The following TMEM117 variants were observed in gnomAD, a reference collection of about 807,000 sequenced individuals.
TMEM117 encodes transmembrane protein 117.
In TMEM117, 27 loss-of-function variants were observed where a neutral mutation model predicts 52.4. The observed-to-expected ratio is 0.51, with a 90% CI of 0.38 to 0.71. TMEM117 has a LOEUF of 0.71. Ranked by LOEUF, TMEM117 falls within the 30% of genes least tolerant of loss-of-function variation. The pLI is 0.00. For missense variants in TMEM117, 556 were observed against 630.5 expected (o/e 0.88, Z 1.26); for synonymous variants, 215 against 206.3 (o/e 1.04, Z -0.36).
intron 4 of TMEM117, among the ~76,000 whole-genome samples, chr12:44,154,678 T>C (rs1183580487): frequency 2.6e-5 from 4 of 151,296 alleles, no homozygotes; most frequent in African/African-American, 9.7e-5. Flanking sequence ...AAGTTGCAGG[T>C]TTGAAAAAAA....
At chr12:44,175,172 A>G (rs1949101388) in intron 4 of TMEM117, among the ~76,000 whole-genome samples, 1 of 152,178 alleles carries the variant, frequency 6.6e-6, no homozygotes, top group Non-Finnish European at 1.5e-5. Flanking sequence ...TTTTGAGGAC[A>G]AAGAGTTGCT....
At chr12:44,145,396 T>C (rs1223154117) in intron 4 of TMEM117, among the ~76,000 whole-genome samples, 4 of 152,146 alleles carry the variant, frequency 2.6e-5, no homozygotes, top group African/African-American at 7.2e-5. Context: ...TGACCACCTA[T>C]GGTTCGACCT....
intron 4 of TMEM117, among the ~76,000 whole-genome samples, chr12:44,195,377 A>T (rs143358005): frequency 6.6e-6 from 1 of 152,154 alleles, no homozygotes; most frequent in African/African-American, 2.4e-5. Flanking sequence ...GCTGACTTCT[A>T]CTGCTTTTTA....
At chr12:44,052,687 T>C (rs1043986868) in intron 3 of TMEM117, among the ~76,000 whole-genome samples, 3 of 152,170 alleles carry the variant, frequency 2.0e-5, no homozygotes, top group Non-Finnish European at 4.4e-5. Context: ...CCCTGTCAAG[T>C]GTGGCCCACG....
At chr12:44,216,961 C>G (rs944067291) in intron 5 of TMEM117, among the ~76,000 whole-genome samples, 13 of 152,074 alleles carry the variant, frequency 8.5e-5, no homozygotes, top group Non-Finnish European at 1.8e-4. Context: ...AACTGGGAAG[C>G]AAATGTAGCA....
intron 2 of TMEM117, among the ~76,000 whole-genome samples, chr12:43,855,292 C>T (rs531445744): frequency 2.0e-5 from 3 of 149,874 alleles, no homozygotes; most frequent in Admixed American, 6.6e-5. Flanking sequence ...GATGGAGTTT[C>T]ACTCTTGTTG....
At chr12:43,976,418 C>T (rs185302196) in intron 3 of TMEM117, among the ~76,000 whole-genome samples, 15 of 152,136 alleles carry the variant, frequency 9.9e-5, no homozygotes, top group South Asian at 2.1e-4. Flanking sequence ...AAGCTGGCAA[C>T]GCTCACATTT....
chr12:43,880,540 G>A (rs1329841056), intron 2 of TMEM117, among the ~76,000 whole-genome samples: 13 of 152,114 alleles, frequency 8.5e-5, no homozygotes, highest in Non-Finnish European at 1.9e-4. Context: ...CTCCTCCTGG[G>A]CATACTGTTG....
At chr12:43,920,706 C>G (rs1430252067) in intron 2 of TMEM117, among the ~76,000 whole-genome samples, 2 of 152,020 alleles carry the variant, frequency 1.3e-5, no homozygotes, top group East Asian at 3.9e-4. Context: ...AGGTGCACCA[C>G]CACACCTGGC....
chr12:43,951,832 C>T (rs1252318099), intron 3 of TMEM117, among the ~76,000 whole-genome samples: 3 of 152,190 alleles, frequency 2.0e-5, no homozygotes, highest in South Asian at 2.1e-4. Flanking sequence ...GACCCCATGC[C>T]TCCTATCTGG....
chr12:44,033,160 C>CACTT (rs1277537153), intron 3 of TMEM117, among the ~76,000 whole-genome samples: 3 of 152,194 alleles, frequency 2.0e-5, no homozygotes, highest in Non-Finnish European at 1.5e-5. Flanking sequence ...CACTGCTACA[C>CACTT]ACTTACCAGT....
At chr12:44,151,867 ATATAT>A (rs1008904469) in intron 4 of TMEM117, among the ~76,000 whole-genome samples, 1 of 131,806 alleles carries the variant, frequency 7.6e-6, no homozygotes, top group African/African-American at 2.8e-5. Context: ...ATTATATTTA[ATATAT>A]TATATATTAT....
chr12:43,847,878 G>A (rs10880575), intron 2 of TMEM117, among the ~76,000 whole-genome samples: 47,616 of 151,956 alleles, frequency 0.31, 9,373 homozygotes, highest in East Asian at 0.67. Flanking sequence ...AGTGTTGGCC[G>A]GCTGAGAAAT....
chr12:44,174,769 A>G (rs1401219527), intron 4 of TMEM117, among the ~76,000 whole-genome samples: 1 of 152,216 alleles, frequency 6.6e-6, no homozygotes, highest in Non-Finnish European at 1.5e-5. Context: ...TTTGATGAAC[A>G]TTTCGTACAG....
chr12:44,141,538 T>C lies in TMEM117; in HGVS notation c.411-1987T>C, dbSNP rs530854310. On this transcript the variant is annotated intron_variant, in intron 3 of 7. Transcript: ENST00000266534. ...AATAAAAGAATGATACCTTCTCTTA[T>C]ACAAATGTATGCAATTACAGGGAAT... 9.1e-4 allele frequency among the ~76,000 whole-genome samples: 139 copies of C among 152,284 alleles called. 1 individual carries two copies. The highest frequency in any genetic ancestry group is 2.9e-3 in the African/African-American group (119 of 41,572).
intron 6 of TMEM117, among the ~76,000 whole-genome samples, chr12:44,373,850 C>T (rs1232006113): frequency 7.7e-6 from 1 of 129,134 alleles, no homozygotes; most frequent in East Asian, 2.7e-4. Flanking sequence ...GGTGCGATCT[C>T]GGCTCACTAC....
At chr12:43,877,670 T>C (rs955817793) in intron 2 of TMEM117, among the ~76,000 whole-genome samples, 2 of 151,478 alleles carry the variant, frequency 1.3e-5, no homozygotes, top group Admixed American at 6.6e-5. Context: ...TATAAACATA[T>C]ATGTAATATT....
At chr12:44,365,573 C>T (rs1951779012) in intron 6 of TMEM117, among the ~76,000 whole-genome samples, 1 of 151,988 alleles carries the variant, frequency 6.6e-6, no homozygotes, top group Non-Finnish European at 1.5e-5. Context: ...GCTCTGTGAG[C>T]CTCAGTTTAC....
At chr12:43,833,588 G>GA (rs1269856281), upstream of TMEM117, among the ~76,000 whole-genome samples, 1 of 152,016 alleles carries the variant, frequency 6.6e-6, no homozygotes, top group African/African-American at 2.4e-5. Flanking sequence ...GAGGCCAGGA[G>GA]TTCACAATCA....
Sources: gnomAD v4.1 joint callset for allele counts (sites outside exome capture counted in the v4.1 genomes callset) on GRCh38, gnomAD v4.1.1 for gene constraint, MANE v1.5 for transcripts, NCBI Gene and HGNC (gene_info 2026-07-23, HGNC 2026-07-21) for gene names.